The following ERC2 variants were observed in gnomAD, a reference collection of about 807,000 sequenced individuals.
ERC2 encodes the protein ELKS/RAB6-interacting/CAST family member 2, also known as ERC protein 2.
In ERC2, 42 loss-of-function variants were observed where a neutral mutation model predicts 114.8. The observed-to-expected ratio is 0.37, with a 90% CI of 0.29 to 0.47. ERC2 has a LOEUF of 0.47. ERC2 is among the 20% of genes least tolerant of loss of function. The probability of loss-of-function intolerance (pLI) is 0.99; values close to 1 mark genes in which losing one functional copy is unlikely to be tolerated. For synonymous variants in ERC2, 454 were observed against 425.5 expected (o/e 1.07, Z -0.82); for missense variants, 939 against 1,150.7 (o/e 0.82, Z 2.66).
chr3:56,455,137 A>G (rs1472638287), intron 1 of ERC2, among the ~76,000 whole-genome samples: 3 of 152,132 alleles, frequency 2.0e-5, no homozygotes, highest in African/African-American at 7.2e-5. Flanking sequence ...ATGGCTGTAC[A>G]ACATTGCAAA....
At chr3:56,012,748 C>A (rs1349667940) in intron 8 of ERC2, among the ~76,000 whole-genome samples, 3 of 152,194 alleles carry the variant, frequency 2.0e-5, no homozygotes, top group Non-Finnish European at 4.4e-5. Flanking sequence ...CAACATATTT[C>A]TCCGTCAATC....
intron 12 of ERC2, among the ~76,000 whole-genome samples, chr3:55,965,929 CT>C (rs1445120621): frequency 1.3e-5 from 2 of 152,130 alleles, no homozygotes; most frequent in Non-Finnish European, 2.9e-5. Flanking sequence ...CCACTTCCCC[CT>C]GATTAAATGA....
intron 2 of ERC2, among the ~76,000 whole-genome samples, chr3:56,319,640 A>C (rs1383987013): frequency 6.6e-6 from 1 of 152,130 alleles, no homozygotes; most frequent in Non-Finnish European, 1.5e-5. Flanking sequence ...TGTTCTTATC[A>C]CAATAAGAAA....
chr3:56,053,148 T>TA (rs1476672104), intron 7 of ERC2, among the ~76,000 whole-genome samples: 4 of 152,200 alleles, frequency 2.6e-5, no homozygotes, highest in Admixed American at 6.5e-5. Flanking sequence ...GTTATGATTA[T>TA]AAGCCCTGCT....
intron 13 of ERC2, among the ~76,000 whole-genome samples, chr3:55,917,297 A>G (rs935437188): frequency 6.6e-6 from 1 of 152,208 alleles, no homozygotes; most frequent in Admixed American, 6.5e-5. Context: ...GAATGTTCAT[A>G]GCAACATTCC....
chr3:56,204,527 C>A (rs200620840), intron 3 of ERC2, among the ~76,000 whole-genome samples: 1 of 10,072 alleles, frequency 9.9e-5, no homozygotes, highest in African/African-American at 2.2e-4. Flanking sequence ...TTTTTTGAGA[C>A]GGAATCTCAC....
intron 7 of ERC2, among the ~76,000 whole-genome samples, chr3:56,053,258 G>A (rs1408292849): frequency 6.6e-6 from 1 of 152,170 alleles, no homozygotes; most frequent in Admixed American, 6.5e-5. Context: ...CCACGAGTGG[G>A]TAAACTGAAC....
intron 2 of ERC2, among the ~76,000 whole-genome samples, chr3:56,389,770 A>G (rs894774289): frequency 6.6e-6 from 1 of 152,172 alleles, no homozygotes; most frequent in Non-Finnish European, 1.5e-5. Flanking sequence ...CAAGAAACCC[A>G]GGCTGAGAAC....
intron 3 of ERC2, among the ~76,000 whole-genome samples, chr3:56,239,899 CAT>C (rs879827606): frequency 8.5e-5 from 13 of 152,306 alleles, no homozygotes; most frequent in South Asian, 8.3e-4. Context: ...AGAAAACAAA[CAT>C]AGAGCAATGA....
intron 2 of ERC2, among the ~76,000 whole-genome samples, chr3:56,391,758 C>T (rs1036612205): frequency 1.3e-5 from 2 of 151,846 alleles, no homozygotes; most frequent in Non-Finnish European, 2.9e-5. Flanking sequence ...GTTACTAATG[C>T]GATTATGGGG....
At chr3:55,902,055 T>G (rs2064165330) in intron 13 of ERC2, among the ~76,000 whole-genome samples, 1 of 152,226 alleles carries the variant, frequency 6.6e-6, no homozygotes, top group African/African-American at 2.4e-5. Context: ...TAGCTACCAG[T>G]GCATCTTATG....
chr3:55,604,195 G>A (rs2058543354), intron 17 of ERC2, among the ~76,000 whole-genome samples: 1 of 152,030 alleles, frequency 6.6e-6, no homozygotes, highest in South Asian at 2.1e-4. Context: ...CGATTTTTGA[G>A]GGCCAGATCT....
chr3:56,074,375 G>T (rs1158642360), intron 7 of ERC2, among the ~76,000 whole-genome samples: 3 of 151,818 alleles, frequency 2.0e-5, no homozygotes, highest in Non-Finnish European at 2.9e-5. Flanking sequence ...ATACAGTAAG[G>T]GTTCAAGAAA....
At chr3:55,541,954 C>T (rs2054426172) in intron 17 of ERC2, among the ~76,000 whole-genome samples, 1 of 152,202 alleles carries the variant, frequency 6.6e-6, no homozygotes, top group South Asian at 2.1e-4. Flanking sequence ...TTTTGCCAAA[C>T]TACCCCTTAT....
intron 12 of ERC2, among the ~76,000 whole-genome samples, chr3:55,951,929 T>C (rs1028091158): frequency 3.3e-5 from 5 of 151,840 alleles, no homozygotes; most frequent in African/African-American, 1.2e-4. Context: ...CTCTCTCCCA[T>C]TCCAAGCAAA....
chr3:56,076,312 A>G (rs2076974955), intron 7 of ERC2, among the ~76,000 whole-genome samples: 1 of 152,206 alleles, frequency 6.6e-6, no homozygotes, highest in African/African-American at 2.4e-5. Context: ...TAGCAAGTTT[A>G]TGCTGTAAGA....
chr3:55,668,098 T>C (rs1358979016), intron 17 of ERC2, among the ~76,000 whole-genome samples: 1 of 152,110 alleles, frequency 6.6e-6, no homozygotes, highest in Admixed American at 6.5e-5. Flanking sequence ...TATATACATA[T>C]AAGATATATA....
At chr3:56,225,043 C>T (rs2050162024) in intron 3 of ERC2, among the ~76,000 whole-genome samples, 2 of 152,118 alleles carry the variant, frequency 1.3e-5, no homozygotes, top group Admixed American at 1.3e-4. Context: ...TGTCCTCGGG[C>T]AAGTCCTTTC....
chr3:55,566,314 C>A (rs1048477102), intron 17 of ERC2, among the ~76,000 whole-genome samples: 1 of 152,118 alleles, frequency 6.6e-6, no homozygotes, highest in East Asian at 1.9e-4. Flanking sequence ...CTATTTGATG[C>A]GCAAGGAACA....
Sources: gnomAD v4.1 joint callset for allele counts (sites outside exome capture counted in the v4.1 genomes callset) on GRCh38, gnomAD v4.1.1 for gene constraint, MANE v1.5 for transcripts, NCBI Gene and HGNC (gene_info 2026-07-23, HGNC 2026-07-21) for gene names.